NLN: variants seen among roughly 807,000 people sequenced by gnomAD.
NLN encodes the protein neurolysin.
A neutral mutation model predicts 79.9 loss-of-function variants in NLN; 64 were observed. The observed-to-expected ratio is 0.80, with a 90% CI of 0.65 to 0.99. NLN has a LOEUF of 0.99. Among genes scored for constraint, NLN ranks in the 50% least tolerant of loss-of-function variants. NLN has a pLI of 0.00. For synonymous variants in NLN, 267 were observed against 296.6 expected, an observed-to-expected ratio of 0.90 and a Z score of 1.02; for missense variants, 835 against 858.7, an observed-to-expected ratio of 0.97 and a Z score of 0.34.
chr5:65,722,227 CACG>C lies in NLN; in HGVS notation c.-146_-144del. The C allele has an allele frequency of 2.3e-6, 1 of 432,066 alleles. No homozygotes were observed. 26.8% of individuals were successfully genotyped at this position (432,066 alleles called of 1,614,324 possible). On this transcript the variant is annotated 5_prime_UTR_variant, in exon 1 of 13. Coordinates refer to ENST00000380985, the MANE Select transcript of NLN (RefSeq NM_020726.5). Reference sequence around the variant, plus strand: ...GGTAGGCGCCGGCGTGGAGCTGCCGCACGTGGGAGGGCGCTGGCCAGGCAGCCA... The same window carrying C: ...GGTAGGCGCCGGCGTGGAGCTGCCGCTGGGAGGGCGCTGGCCAGGCAGCCA...
intron 3 of NLN, among the ~76,000 whole-genome samples, chr5:65,775,660 A>G (rs1446731894): frequency 6.6e-6 from 1 of 152,192 alleles, no homozygotes; most frequent in African/African-American, 2.4e-5. Flanking sequence ...AGTTAATCAC[A>G]TCCGCAGGAA....
In NLN at chr5:65,736,722, C is replaced by T. The variant is rs962446046; in HGVS notation, c.41+14308C>T. Among the ~76,000 whole-genome samples, 7 of 152,142 alleles carry T rather than the reference C, an allele frequency of 4.6e-5. No homozygotes were observed. The South Asian group carries it at 1.0e-3, about 23-fold the overall frequency. ...TTTGTGCCTGTTTATGTCTTTTGCC[C>T]ATTTTCCTGAGTTATCTTTTTCATA... On this transcript the variant is annotated intron_variant, in intron 1 of 12. Transcript: ENST00000380985.
At chr5:65,785,377 G>A (rs567053833) in intron 6 of NLN, among the ~76,000 whole-genome samples, 4 of 152,166 alleles carry the variant, frequency 2.6e-5, no homozygotes, top group Admixed American at 1.3e-4. Flanking sequence ...AAATTAAAAA[G>A]ATAAATTTTA....
intron 5 of NLN, 52 bp from the exon 6 acceptor site, chr5:65,781,209 T>A: frequency 7.9e-7 from 1 of 1,262,780 alleles, no homozygotes; most frequent in South Asian, 1.3e-5. Context: ...CAATACTAAA[T>A]AAACCAGCAA....
intron 4 of NLN, chr5:65,779,894 T>G (rs1248039964): frequency 4.0e-6 from 1 of 250,436 alleles, no homozygotes; most frequent in African/African-American, 2.3e-5. Flanking sequence ...ACTTACTCAA[T>G]TGATGGTGAT....
At chr5:65,730,606 G>C (rs777960897) in intron 1 of NLN, among the ~76,000 whole-genome samples, 15 of 151,186 alleles carry the variant, frequency 9.9e-5, no homozygotes, top group Non-Finnish European at 2.2e-4. Context: ...GCTCGGGCTA[G>C]AGTGCAATGG....
rs761722243 is a variant in NLN, at chr5:65,731,742, CTTTTTTTTTTTTT to C, written c.41+9342_41+9354del. Among the ~76,000 whole-genome samples, 13 of 61,990 alleles carry C rather than the reference CTTTTTTTTTTTTT, an allele frequency of 2.1e-4. No homozygotes were observed. In the Admixed American group the frequency reaches 2.3e-3, roughly 11 times the overall value. 40.7% of individuals were successfully genotyped at this position (61,990 alleles called of 152,430 possible). On this transcript the variant is annotated intron_variant, in intron 1 of 12. Coordinates refer to ENST00000380985, the MANE Select transcript of NLN (RefSeq NM_020726.5). ...GTATTTTAAAAATCACCTACATTTT[CTTTTTTTTTTTTT>C]TTTTTTTTTTTTTCAGACAGAGTCT...
intron 1 of NLN, among the ~76,000 whole-genome samples, chr5:65,753,542 C>T (rs911698691): frequency 7.3e-5 from 11 of 151,498 alleles, no homozygotes; most frequent in African/African-American, 2.2e-4. Context: ...CCCAGCTCCT[C>T]GGAAGGCTGA....
intron 9 of NLN, among the ~76,000 whole-genome samples, chr5:65,808,973 TTTAA>T (rs1760482473): frequency 6.6e-6 from 1 of 152,242 alleles, no homozygotes; most frequent in Non-Finnish European, 1.5e-5. Context: ...GATTTAACTC[TTTAA>T]TTAATTTTGG....
At chr5:65,781,453 T>G (rs748811809) in intron 6 of NLN, 32 bp downstream of exon 6, 1 of 1,494,164 alleles carries the variant, frequency 6.7e-7, no homozygotes, top group Non-Finnish European at 9.3e-7. Context: ...CTTTTGTTTT[T>G]AATGGAATAT....
chr5:65,771,303 T>A (rs2150752123), intron 3 of NLN, among the ~76,000 whole-genome samples: 1 of 152,346 alleles, frequency 6.6e-6, no homozygotes. Context: ...CAAGGGCTTC[T>A]CAATTGTTGG....
chr5:65,816,354 G>A lies in NLN; in HGVS notation c.1980+3963G>A, dbSNP rs1169326321. ...TGCGAACACATGGACACGTAGAGGAGAACAGCACACACTGGGGCCTTTTGG... is the reference window on the plus strand; with the variant it reads ...TGCGAACACATGGACACGTAGAGGAAAACAGCACACACTGGGGCCTTTTGG... On this transcript the variant is annotated intron_variant, in intron 12 of 12. Transcript: ENST00000380985. Among the ~76,000 whole-genome samples the A allele has an allele frequency of 2.0e-5, 3 of 152,106 alleles. No homozygotes were observed. The East Asian group carries it at 5.8e-4, about 29-fold the overall frequency.
At chr5:65,726,384 T>C (rs1411912592) in intron 1 of NLN, among the ~76,000 whole-genome samples, 1 of 152,350 alleles carries the variant, frequency 6.6e-6, no homozygotes, top group East Asian at 1.9e-4. Flanking sequence ...ATGAAAAATA[T>C]AGCTACTAGT....
At chr5:65,801,535 A>G (rs1760285800) in intron 9 of NLN, among the ~76,000 whole-genome samples, 1 of 152,222 alleles carries the variant, frequency 6.6e-6, no homozygotes, top group Admixed American at 6.5e-5. Context: ...TTTTTTGAAA[A>G]ATATTTAAAT....
At chr5:65,820,991 C>CTA (rs1561216508) in intron 12 of NLN, among the ~76,000 whole-genome samples, 3 of 148,804 alleles carry the variant, frequency 2.0e-5, no homozygotes, top group Non-Finnish European at 4.4e-5. Context: ...TGCAGTAAGC[C>CTA]TAAACTGTGC....
At chr5:65,777,923 G>A (rs2707777) in intron 4 of NLN, among the ~76,000 whole-genome samples, 32,673 of 152,148 alleles carry the variant, frequency 0.21, 3,645 homozygotes, top group Middle Eastern at 0.27. Flanking sequence ...TTAACCTCAT[G>A]GTGACAGACA....
intron 5 of NLN, 93 bp from the exon 6 acceptor site, chr5:65,781,168 A>T (rs1759792045): frequency 4.2e-6 from 3 of 706,754 alleles, no homozygotes. Flanking sequence ...TTACTACACA[A>T]AATTCCTAGA....
chr5:65,777,398 G>A (rs774122659), intron 3 of NLN, 29 bp from the exon 4 acceptor site: 1 of 1,420,168 alleles, frequency 7.0e-7, no homozygotes, highest in Non-Finnish European at 9.9e-7. Flanking sequence ...TGTTTCAACC[G>A]AAATGGTTTT....
chr5:65,756,377 C>T (rs1759219167), intron 1 of NLN, among the ~76,000 whole-genome samples: 1 of 152,138 alleles, frequency 6.6e-6, no homozygotes, highest in Admixed American at 6.6e-5. Context: ...TCCACCGCCT[C>T]CATCCATTCA....
Sources: gnomAD v4.1 joint callset for allele counts (sites outside exome capture counted in the v4.1 genomes callset) on GRCh38, gnomAD v4.1.1 for gene constraint, MANE v1.5 for transcripts, NCBI Gene and HGNC (gene_info 2026-07-23, HGNC 2026-07-21) for gene names.